SUDS3: variants seen among roughly 807,000 people sequenced by gnomAD.
SUDS3 encodes the protein sin3 histone deacetylase corepressor complex component SDS3.
A neutral mutation model predicts 53.5 loss-of-function variants in SUDS3; 23 were observed. That is an observed-to-expected ratio of 0.43 (90% CI 0.31 to 0.61). SUDS3 has a LOEUF of 0.61. SUDS3 is among the 20% of genes least tolerant of loss of function. The pLI is 0.10. For synonymous variants in SUDS3, 150 were observed against 148.5 expected (o/e 1.01, Z -0.08); for missense variants, 291 against 405.9 (o/e 0.72, Z 2.43).
At chr12:118,388,433 C>A (rs544530634) in intron 4 of SUDS3, among the ~76,000 whole-genome samples, 2 of 152,244 alleles carry the variant, frequency 1.3e-5, no homozygotes, top group East Asian at 1.9e-4. Context: ...TACGCACAGC[C>A]CCCTGTCACC....
intron 10 of SUDS3, among the ~76,000 whole-genome samples, chr12:118,410,800 T>A (rs2046353050): frequency 6.6e-6 from 1 of 151,882 alleles, no homozygotes; most frequent in Non-Finnish European, 1.5e-5. Context: ...GGTTTTACCG[T>A]GTTAGCCAGG....
At chr12:118,392,651 T>G (rs1401424480) in intron 6 of SUDS3, among the ~76,000 whole-genome samples, 2 of 152,252 alleles carry the variant, frequency 1.3e-5, no homozygotes, top group Non-Finnish European at 2.9e-5. Context: ...GGTACCAGTC[T>G]GCCTGCCGGC....
intron 7 of SUDS3, 132 bp from the exon 8 acceptor site, chr12:118,401,627 G>A: frequency 1.3e-6 from 1 of 763,272 alleles, no homozygotes. Context: ...TTTCTAAGAA[G>A]CAAACTGTTA....
intron 6 of SUDS3, among the ~76,000 whole-genome samples, chr12:118,397,716 T>C (rs2046228240): frequency 6.8e-6 from 1 of 146,270 alleles, no homozygotes; most frequent in Admixed American, 6.6e-5. Context: ...ACCAGGCTAA[T>C]AAAATAGATT....
intron 10 of SUDS3, among the ~76,000 whole-genome samples, chr12:118,405,185 A>G (rs1238010179): frequency 6.6e-6 from 1 of 152,244 alleles, no homozygotes; most frequent in Non-Finnish European, 1.5e-5. Flanking sequence ...AAACCAAATA[A>G]CCTTTAAAGA....
At chr12:118,409,690 G>T (rs2046341873) in intron 10 of SUDS3, among the ~76,000 whole-genome samples, 1 of 152,244 alleles carries the variant, frequency 6.6e-6, no homozygotes, top group South Asian at 2.1e-4. Context: ...ACGAGTTTAT[G>T]GGTCTGGTTA....
intron 10 of SUDS3, among the ~76,000 whole-genome samples, chr12:118,408,711 C>T (rs1183585947): frequency 6.6e-6 from 1 of 151,560 alleles, no homozygotes; most frequent in African/African-American, 2.4e-5. Context: ...TTTTACCTAC[C>T]AGTATATGGA....
At chr12:118,381,844 A>G (rs2046066063) in intron 2 of SUDS3, among the ~76,000 whole-genome samples, 2 of 152,222 alleles carry the variant, frequency 1.3e-5, no homozygotes, top group African/African-American at 2.4e-5. Context: ...GGTATAAAGT[A>G]TATTTAATGT....
intron 5 of SUDS3, 101 bp downstream of exon 5, chr12:118,390,047 T>A (rs1192594605): frequency 1.1e-5 from 16 of 1,427,400 alleles, no homozygotes; most frequent in Non-Finnish European, 1.6e-5. Flanking sequence ...GTAGATAGTT[T>A]GGAAGCCTTC....
At chr12:118,381,338 G>A (rs1479686085) in intron 2 of SUDS3, among the ~76,000 whole-genome samples, 1 of 150,942 alleles carries the variant, frequency 6.6e-6, no homozygotes, top group Non-Finnish European at 1.5e-5. Flanking sequence ...CCAAGTAGCT[G>A]GGATTATAGA....
intron 5 of SUDS3, 113 bp from the exon 6 acceptor site, chr12:118,391,013 G>T (rs1384509478): frequency 8.6e-7 from 1 of 1,159,372 alleles, no homozygotes; most frequent in African/African-American, 1.5e-5. Flanking sequence ...CTGCAAGTGT[G>T]TGTGAGGGGG....
chr12:118,400,799 T>G, intron 7 of SUDS3, 45 bp downstream of exon 7: 1 of 1,559,682 alleles, frequency 6.4e-7, no homozygotes, highest in Non-Finnish European at 8.8e-7. Context: ...TTTTTAAGAC[T>G]GTGGAATCCT....
At chr12:118,404,517 T>A (rs570088082) in intron 10 of SUDS3, 3 of 152,362 alleles carry the variant, frequency 2.0e-5, no homozygotes, top group Non-Finnish European at 4.4e-5. Flanking sequence ...GCTCATACTT[T>A]TGTTCATTCA....
At chr12:118,401,892 G>A (rs1347565110) in intron 8 of SUDS3, 72 bp downstream of exon 8, 1 of 1,599,818 alleles carries the variant, frequency 6.3e-7, no homozygotes, top group Non-Finnish European at 8.6e-7. Context: ...TTGTTAACAT[G>A]TTACTTGTTA....
chr12:118,383,941 T>C, intron 2 of SUDS3, 71 bp from the exon 3 acceptor site: 2 of 1,408,306 alleles, frequency 1.4e-6, no homozygotes, highest in Non-Finnish European at 2.0e-6. Context: ...AGCTAATTTC[T>C]GTGAGTAGGT....
At position 118,400,639 on chromosome 12, in the gene SUDS3, C is replaced by T. The variant is rs1392266646; in HGVS notation, c.518-20C>T. Reference sequence around the variant, plus strand: ...TCAAGTGGGAGTTGGATAGATTTACCCATTCCATTCTTGCCACAGATTCTA... The same window carrying T: ...TCAAGTGGGAGTTGGATAGATTTACTCATTCCATTCTTGCCACAGATTCTA... On this transcript the variant is annotated intron_variant, in intron 6 of 11. Transcript: ENST00000543473. The T allele has an allele frequency of 6.2e-7, 1 of 1,610,684 alleles. No homozygotes were observed. The highest frequency in any genetic ancestry group is 1.3e-5 in the African/African-American group (1 of 74,928).
At chr12:118,380,832 GT>G (rs1444066661) in intron 2 of SUDS3, among the ~76,000 whole-genome samples, 1 of 152,122 alleles carries the variant, frequency 6.6e-6, no homozygotes, top group African/African-American at 2.4e-5. Flanking sequence ...AGCCTCCTGA[GT>G]AGCTGGGATT....
intron 3 of SUDS3, among the ~76,000 whole-genome samples, chr12:118,385,768 G>A (rs1030525267): frequency 2.6e-5 from 4 of 152,220 alleles, no homozygotes; most frequent in Admixed American, 2.6e-4. Flanking sequence ...GGAGAGCGTT[G>A]ACCTAGACCT....
At chr12:118,411,649 C>A (rs1433948300) in intron 11 of SUDS3, among the ~76,000 whole-genome samples, 1 of 152,076 alleles carries the variant, frequency 6.6e-6, no homozygotes, top group African/African-American at 2.4e-5. Flanking sequence ...AGGCACCCAC[C>A]ACCACGCCCG....
Sources: gnomAD v4.1 joint callset for allele counts (sites outside exome capture counted in the v4.1 genomes callset) on GRCh38, gnomAD v4.1.1 for gene constraint, MANE v1.5 for transcripts, NCBI Gene and HGNC (gene_info 2026-07-23, HGNC 2026-07-21) for gene names.